The following COL5A1 variants were observed in gnomAD, a reference collection of about 807,000 sequenced individuals.
COL5A1 encodes the protein collagen alpha-1(V) chain.
A neutral mutation model predicts 263.7 loss-of-function variants in COL5A1; 16 were observed. The ratio of observed to expected loss-of-function variants is 0.06; its 90% CI spans 0.04 to 0.09. The LOEUF is 0.09. COL5A1 is among the 10% of genes least tolerant of loss of function. The pLI is 1.00. For missense variants in COL5A1, 2,036 were observed against 2,540.5 expected, an observed-to-expected ratio of 0.80 and a Z score of 4.27; for synonymous variants, 1,012 against 1,004.5, an observed-to-expected ratio of 1.01 and a Z score of -0.14.
At chr9:134,805,457 G>T (rs1838262476) in intron 41 of COL5A1, among the ~76,000 whole-genome samples, 1 of 152,308 alleles carries the variant, frequency 6.6e-6, no homozygotes, top group South Asian at 2.1e-4. Flanking sequence ...CTGGAGGGCG[G>T]GAGGAGCCAC....
intron 52 of COL5A1, 121 bp downstream of exon 52, chr9:134,816,109 A>G (rs1005532846): frequency 1.1e-6 from 1 of 887,686 alleles, no homozygotes; most frequent in South Asian, 1.4e-5. Context: ...TTCCTTTATG[A>G]TATCGATTCC....
chr9:134,808,260 CTG>C (rs1161378681), intron 42 of COL5A1, among the ~76,000 whole-genome samples: 2 of 152,128 alleles, frequency 1.3e-5, no homozygotes, highest in Non-Finnish European at 2.9e-5. Flanking sequence ...CACCCTCCTT[CTG>C]TGTATCTGTC....
chr9:134,661,182 G>A (rs1013300619), intron 1 of COL5A1, among the ~76,000 whole-genome samples: 1 of 151,694 alleles, frequency 6.6e-6, no homozygotes. Context: ...GGTTGGGGAA[G>A]TGTCGGGGAC....
At chr9:134,650,912 A>T (rs190794149) in intron 1 of COL5A1, among the ~76,000 whole-genome samples, 116 of 152,356 alleles carry the variant, frequency 7.6e-4, no homozygotes, top group Non-Finnish European at 1.3e-3. Flanking sequence ...TCCAGCTGGC[A>T]CAAGGGGATG....
intron 29 of COL5A1, 142 bp from the exon 30 acceptor site, chr9:134,784,847 C>T: frequency 1.4e-6 from 1 of 693,150 alleles, no homozygotes; most frequent in Admixed American, 2.2e-5. Flanking sequence ...GCTCCGTGGT[C>T]TGAGTGAGGC....
In COL5A1 at chr9:134,816,915, C is replaced by T. The variant is rs145128879; in HGVS notation, c.4123-111C>T. The T allele has an allele frequency of 4.6e-4, 450 of 976,434 alleles. 4 individuals carry two copies. In the East Asian group the frequency reaches 8.0e-3, roughly 17 times the overall value. 60.5% of individuals were successfully genotyped at this position (976,434 alleles called of 1,614,324 possible). On this transcript the variant is annotated intron_variant, in intron 52 of 65. Coordinates refer to ENST00000371817, the MANE Select transcript of COL5A1 (RefSeq NM_000093.5). ...TGCTAGCCCCAAAAGAAGAGAGAGG[C>T]GGCCGCAGGGCTGGCCGAGGAGTAA...
intron 1 of COL5A1, among the ~76,000 whole-genome samples, chr9:134,654,133 TG>T (rs1250460478): frequency 3.5e-5 from 4 of 114,466 alleles, no homozygotes; most frequent in African/African-American, 6.9e-5. Context: ...TGTGTAGTGC[TG>T]GGGGTGTGTA....
rs558050636 is a variant in COL5A1, at chr9:134,741,631, G to C, written c.1494+2823G>C. Among the ~76,000 whole-genome samples the C allele has an allele frequency of 2.0e-5, 3 of 152,106 alleles. No individual in the cohort carries two copies. Among genetic ancestry groups the C allele is most frequent in the Admixed American group, 1.3e-4 (2 of 15,272 alleles). On this transcript the variant is annotated intron_variant, in intron 11 of 65. Coordinates refer to ENST00000371817, the MANE Select transcript of COL5A1 (RefSeq NM_000093.5). The surrounding 1 kb of genome is among the most constrained non-coding windows in gnomAD (Gnocchi z 4.5). ...CAGGAGGGTGGGGTGGGAGGAGGGGGTAATGCCCTGCTTTTAGGCAGAAGA... is the reference window on the plus strand; with the variant it reads ...CAGGAGGGTGGGGTGGGAGGAGGGGCTAATGCCCTGCTTTTAGGCAGAAGA...
chr9:134,721,967 G>A (rs564249362), intron 4 of COL5A1, among the ~76,000 whole-genome samples: 38 of 152,342 alleles, frequency 2.5e-4, no homozygotes, highest in Admixed American at 1.2e-3. Context: ...GGTCTAGAGC[G>A]ACCCTGCTTC....
At chr9:134,826,749 G>A (rs1250170140) in intron 63 of COL5A1, among the ~76,000 whole-genome samples, 2 of 150,448 alleles carry the variant, frequency 1.3e-5, no homozygotes, top group Non-Finnish European at 3.0e-5. Flanking sequence ...TGGTGTTCGG[G>A]TGTGTGTGGC....
At chr9:134,740,681 G>A (rs1188729305) in intron 11 of COL5A1, among the ~76,000 whole-genome samples, 4 of 152,186 alleles carry the variant, frequency 2.6e-5, no homozygotes, top group African/African-American at 2.4e-5. Context: ...GTGAACCAGA[G>A]GGGTGCTGGT....
At chr9:134,812,880 C>T (rs574013470) in intron 48 of COL5A1, among the ~76,000 whole-genome samples, 168 bp downstream of exon 48, 1 of 151,508 alleles carries the variant, frequency 6.6e-6, no homozygotes, top group East Asian at 2.0e-4. Context: ...GAGAAGTACT[C>T]ATTTCTGTGG....
At position 134,819,108 on chromosome 9, in the gene COL5A1, G is replaced by A. The variant is rs1396182348; in HGVS notation, c.4446+55G>A. ...GTGACTCGGGGCCTTCAAATTTGTG[G>A]CCGTGGGTCTCAAACTCAACAAGCT... is the stretch of plus-strand genomic sequence containing the variant. On this transcript the variant is annotated intron_variant, in intron 57 of 65. Coordinates refer to ENST00000371817, the MANE Select transcript of COL5A1 (RefSeq NM_000093.5). 2.5e-6 allele frequency: 4 copies of A among 1,572,338 alleles called. No individual in the cohort carries two copies. The Middle Eastern group carries it at 6.7e-4, about 263-fold the overall frequency.
At position 134,835,227 on chromosome 9, in the gene COL5A1, A is replaced by G. The variant is rs777625463; in HGVS notation, c.5370+23A>G. 3 of 1,601,704 alleles carry G rather than the reference A, an allele frequency of 1.9e-6. No individual in the cohort carries two copies. The South Asian group carries it at 3.3e-5, about 18-fold the overall frequency. The stretch of plus-strand genomic sequence containing the variant: ...GCTGTGAGTATCCCGCGCCGCGCCC[A>G]GCACCCCTGCTCACGCCTCCGTGGG... On this transcript the variant is annotated intron_variant, in intron 65 of 65. Transcript: ENST00000371817.
intron 1 of COL5A1, among the ~76,000 whole-genome samples, chr9:134,669,200 TTTCCCTTTCCTTTTCCC>T (rs1832452105): frequency 7.5e-6 from 1 of 134,140 alleles, no homozygotes; most frequent in South Asian, 2.7e-4. Flanking sequence ...TTCCTTTCCC[TTTCCCTTTCCTTTTCCC>T]TTCCCTTCCC....
rs141067758 is a variant in COL5A1, at chr9:134,833,988, G to A, written c.5137-983G>A. Reference sequence around the variant, plus strand: ...TTCCCTAGGAGCAGTGGTCTAGGCTGTGACCCAAAGGACAGCAGTGGGGGC... The same window carrying A: ...TTCCCTAGGAGCAGTGGTCTAGGCTATGACCCAAAGGACAGCAGTGGGGGC... On this transcript the variant is annotated intron_variant, in intron 64 of 65. Transcript: ENST00000371817. Among the ~76,000 whole-genome samples the A allele has an allele frequency of 6.8e-3, 1,034 of 152,320 alleles. 8 individuals are homozygous for A. The highest frequency in any genetic ancestry group is 8.2e-3 in the African/African-American group (341 of 41,574).
chr9:134,710,470 G>A (rs1453632787), intron 4 of COL5A1, among the ~76,000 whole-genome samples: 1 of 151,516 alleles, frequency 6.6e-6, no homozygotes, highest in Non-Finnish European at 1.5e-5. Context: ...GGTGGGGGAG[G>A]GGCCCCGTTT....
Position 134,738,762 on chromosome 9 carries a change from C to A in COL5A1, c.1448C>A (p.Pro483Gln). 6.2e-7 allele frequency: 1 copy of A among 1,613,608 alleles called. No individual in the cohort carries two copies. The highest frequency in any genetic ancestry group is 8.5e-7 in the Non-Finnish European group (1 of 1,179,552). ...TAATTCTAGGGTCTTCCCGGACCTC[C>A]AGGAACCATGGGTCCCACTGGCCAA... ...PEGPAGLPGP[P>Q]GTMGPTGQVG... Residue 483 changes from proline to glutamine, a missense_variant, in exon 11 of 66, where the codon CCA becomes CAA. By Grantham distance (76) the Pro-to-Gln change is moderately conservative. This residue lies in a region of COL5A1 where 1,078 missense variants were observed against 1,521.4 expected (regional missense o/e 0.71). Transcript: ENST00000371817.
intron 64 of COL5A1, among the ~76,000 whole-genome samples, chr9:134,834,647 G>A (rs1839778315): frequency 6.6e-6 from 1 of 152,198 alleles, no homozygotes; most frequent in Admixed American, 6.5e-5. Flanking sequence ...CAGCCACAGA[G>A]TAGGTGCAGG....
Sources: gnomAD v4.1 joint callset for allele counts (sites outside exome capture counted in the v4.1 genomes callset) on GRCh38, gnomAD v4.1.1 for gene constraint, gnomAD v4.1.1 regional missense constraint, Gnocchi (gnomAD v3.1) non-coding constraint, MANE v1.5 for transcripts, NCBI Gene and HGNC (gene_info 2026-07-23, HGNC 2026-07-21) for gene names.